The following ASXL2 variants were observed in gnomAD, a reference collection of about 807,000 sequenced individuals.
ASXL2 encodes the protein ASXL transcriptional regulator 2, also known as putative Polycomb group protein ASXL2.
A neutral mutation model predicts 122.0 loss-of-function variants in ASXL2; 23 were observed. The ratio of observed to expected loss-of-function variants is 0.19; its 90% CI spans 0.14 to 0.27. The LOEUF (loss-of-function observed/expected upper bound fraction) is 0.27, where lower values mean the gene tolerates loss of function less well. Ranked by LOEUF, ASXL2 falls within the 10% of genes least tolerant of loss-of-function variation. The pLI is 1.00. For missense variants in ASXL2, 1,518 were observed against 1,713.8 expected, an observed-to-expected ratio of 0.89 and a Z score of 2.02; for synonymous variants, 650 against 637.0, an observed-to-expected ratio of 1.02 and a Z score of -0.31.
chr2:25,829,283 T>C lies in ASXL2; in HGVS notation c.143+6255A>G, dbSNP rs555980514. Among the ~76,000 whole-genome samples, 35 of 145,902 alleles carry C rather than the reference T, an allele frequency of 2.4e-4. No individual in the cohort carries two copies. The South Asian group carries it at 7.1e-3, about 30-fold the overall frequency. ...ACAGAAACACAGAAAGGGAGACACA[T>C]ACACATACACACACACACACACACA... is the stretch of plus-strand genomic sequence containing the variant. On this transcript the variant is annotated intron_variant, in intron 3 of 12. Transcript: ENST00000435504.
intron 1 of ASXL2, among the ~76,000 whole-genome samples, chr2:25,863,490 A>G (rs1479846144): frequency 1.3e-5 from 2 of 151,488 alleles, no homozygotes; most frequent in East Asian, 3.9e-4. Context: ...CAGCAGATCA[A>G]GACCATCCTG....
chr2:25,767,506 C>T, intron 8 of ASXL2, 77 bp downstream of exon 8: 1 of 1,491,454 alleles, frequency 6.7e-7, no homozygotes, highest in Non-Finnish European at 9.1e-7. Context: ...GTACCTAAGC[C>T]AGGTAGCTGA....
intron 1 of ASXL2, among the ~76,000 whole-genome samples, chr2:25,866,405 G>T (rs549335186): frequency 1.3e-5 from 2 of 152,268 alleles, no homozygotes; most frequent in South Asian, 4.1e-4. Context: ...TGGGATTACA[G>T]GCATGAGCCA....
intron 5 of ASXL2, among the ~76,000 whole-genome samples, chr2:25,797,375 G>T (rs546136322): frequency 1.3e-5 from 2 of 152,188 alleles, no homozygotes; most frequent in Non-Finnish European, 2.9e-5. Flanking sequence ...AACCCAGAAG[G>T]CGGAGGTTGC....
intron 5 of ASXL2, among the ~76,000 whole-genome samples, chr2:25,777,679 CAA>C (rs2088570984): frequency 6.6e-6 from 1 of 152,002 alleles, no homozygotes; most frequent in Non-Finnish European, 1.5e-5. Context: ...TGAGTACCTT[CAA>C]AGACATATAA....
rs2087764044 is a variant in ASXL2, at chr2:25,737,962, A to T, written c.*4067T>A. The T allele has an allele frequency of 6.6e-6, 1 of 152,172 alleles. No individual in the cohort carries two copies. Among genetic ancestry groups the T allele is most frequent in the East Asian group, 1.9e-4 (1 of 5,204 alleles). The allele number at this position is 152,172 out of a possible 1,614,324, so 9.4% of individuals were successfully genotyped here. ...AGTCTGTACAAACCTTACAGCCAGA[A>T]GGGAAAAAAATAGCTTGTGGTAAAT... On this transcript the variant is annotated 3_prime_UTR_variant, in exon 13 of 13. Coordinates refer to ENST00000435504, the MANE Select transcript of ASXL2 (RefSeq NM_018263.6).
intron 1 of ASXL2, among the ~76,000 whole-genome samples, chr2:25,852,924 A>C (rs748951580): frequency 6.6e-6 from 1 of 152,344 alleles, no homozygotes; most frequent in East Asian, 1.9e-4. Context: ...GAGGGGATTT[A>C]GCACTGACTG....
In ASXL2 at chr2:25,744,600, T is replaced by C. The variant is rs151037828; in HGVS notation, c.1861-124A>G. The C allele has an allele frequency of 5.1e-3, 5,886 of 1,162,624 alleles. 93 individuals are homozygous for C. Among genetic ancestry groups the C allele is most frequent in the East Asian group, 7.2e-3 (284 of 39,374 alleles). The allele number at this position is 1,162,624 out of a possible 1,614,324, so 72.0% of individuals were successfully genotyped here. ...CTACAGTACCTGTGACAAACATGGG[T>C]GGTCTATGGCCGAGAGGCCAAACCT... On this transcript the variant is annotated intron_variant, in intron 12 of 12. Transcript: ENST00000435504. This position sits in a 1 kb window ranked among gnomAD's most constrained non-coding sequence, Gnocchi z 4.7.
In ASXL2 at chr2:25,753,500, A is replaced by G. The variant is rs750450723; in HGVS notation, c.1142+34T>C. ...ACTACATGACTTATATGTAGGAATT[A>G]ACATTTGGTTTATAGAACCTGTCCT... On this transcript the variant is annotated intron_variant, in intron 11 of 12. Transcript: ENST00000435504. 10 of 1,525,794 alleles carry G rather than the reference A, an allele frequency of 6.6e-6. No individual in the cohort carries two copies. The South Asian group carries it at 1.2e-4, about 18-fold the overall frequency. The allele number at this position is 1,525,794 out of a possible 1,614,324, so 94.5% of individuals were successfully genotyped here.
chr2:25,834,449 A>C (rs185929886), intron 3 of ASXL2, among the ~76,000 whole-genome samples: 1 of 152,206 alleles, frequency 6.6e-6, no homozygotes, highest in Non-Finnish European at 1.5e-5. Flanking sequence ...TTTTTTAATT[A>C]TAATTTTAAC....
At chr2:25,745,778 G>C in intron 12 of ASXL2, among the ~76,000 whole-genome samples, 1 of 150,824 alleles carries the variant, frequency 6.6e-6, no homozygotes, top group Admixed American at 6.6e-5. Flanking sequence ...CGAGTAGCTG[G>C]GATTACAGGT....
At chr2:25,809,919 G>A (rs1574427798) in intron 3 of ASXL2, 3 of 516,812 alleles carry the variant, frequency 5.8e-6, no homozygotes, top group South Asian at 2.8e-5. Context: ...GTGAGACTGA[G>A]GTGCTCTACA....
At chr2:25,755,209 G>A (rs186445353) in intron 10 of ASXL2, among the ~76,000 whole-genome samples, 69 of 152,216 alleles carry the variant, frequency 4.5e-4, no homozygotes, top group African/African-American at 1.4e-3. Context: ...TATTAGAATC[G>A]TTTGGGAAAA....
intron 3 of ASXL2, among the ~76,000 whole-genome samples, chr2:25,808,566 A>G (rs2089118025): frequency 6.6e-6 from 1 of 152,176 alleles, no homozygotes; most frequent in Non-Finnish European, 1.5e-5. Context: ...TCCTGACCTC[A>G]GGTGATCTGC....
intron 3 of ASXL2, among the ~76,000 whole-genome samples, chr2:25,807,593 T>C (rs1309523575): frequency 6.6e-6 from 1 of 150,600 alleles, no homozygotes; most frequent in Non-Finnish European, 1.5e-5. Flanking sequence ...TATATAAAAA[T>C]TGCCAAGAAA....
intron 5 of ASXL2, among the ~76,000 whole-genome samples, chr2:25,787,275 A>C (rs1281353666): frequency 6.6e-6 from 1 of 152,200 alleles, no homozygotes; most frequent in Non-Finnish European, 1.5e-5. Context: ...GTCTCTTCCC[A>C]GGCAAAATAT....
At chr2:25,823,718 G>C (rs2089341554) in intron 3 of ASXL2, among the ~76,000 whole-genome samples, 1 of 142,238 alleles carries the variant, frequency 7.0e-6, no homozygotes, top group South Asian at 2.3e-4. Flanking sequence ...ATACAGTATT[G>C]GATTTCTTTC....
At chr2:25,857,989 G>C (rs1433827983) in intron 1 of ASXL2, among the ~76,000 whole-genome samples, 1 of 152,034 alleles carries the variant, frequency 6.6e-6, no homozygotes, top group Admixed American at 6.6e-5. Flanking sequence ...TCTGTAGGCA[G>C]GGATTTTATT....
chr2:25,782,130 C>A (rs1050375157), intron 5 of ASXL2, among the ~76,000 whole-genome samples: 2 of 151,988 alleles, frequency 1.3e-5, no homozygotes, highest in African/African-American at 2.4e-5. Flanking sequence ...TCCACTGATT[C>A]TTTTGTGTTT....
Sources: allele counts gnomAD v4.1 joint callset (sites outside exome capture counted in the v4.1 genomes callset), GRCh38; gene constraint gnomAD v4.1.1; non-coding constraint Gnocchi (gnomAD v3.1); transcripts MANE v1.5; gene names NCBI Gene and HGNC (gene_info 2026-07-23, HGNC 2026-07-21).